The following ZNF804A variants were observed in gnomAD, a reference collection of about 807,000 sequenced individuals.
ZNF804A encodes the protein zinc finger protein 804A.
Under a neutral mutation model 16.5 loss-of-function variants are expected in ZNF804A, and 2 were observed. That is an observed-to-expected ratio of 0.12 (90% CI 0.05 to 0.38). ZNF804A has a LOEUF of 0.38. Among genes scored for constraint, ZNF804A ranks in the 10% least tolerant of loss-of-function variants. The pLI, the probability that ZNF804A is intolerant of heterozygous loss-of-function variation, is 0.99. For synonymous variants in ZNF804A, 534 were observed against 489.6 expected (o/e 1.09, Z -1.20); for missense variants, 1,473 against 1,390.7 (o/e 1.06, Z -0.94).
intron 1 of ZNF804A, among the ~76,000 whole-genome samples, chr2:184,817,511 C>A (rs1412589240): frequency 6.6e-6 from 1 of 151,934 alleles, no homozygotes; most frequent in Non-Finnish European, 1.5e-5. Flanking sequence ...TCCAAATGAC[C>A]ACAATACCTC....
Position 184,938,774 on chromosome 2 carries a change from G to A in ZNF804A, c.3378G>A (p.Gln1126=). ...AAAAGTFKVL[Q]PHQQFLSQIP... ...CTGCAGGAACCTTTAAAGTGCTTCA[G>A]CCACACCAACAGTTTCTTTCCCAAA... Residue 1126 remains glutamine, a synonymous_variant, in exon 4 of 4, where the codon CAG becomes CAA. Coordinates refer to ENST00000302277, the MANE Select transcript of ZNF804A (RefSeq NM_194250.2). The A allele has an allele frequency of 6.2e-7, 1 of 1,613,552 alleles. No individual in the cohort carries two copies. The highest frequency in any genetic ancestry group is 8.5e-7 in the Non-Finnish European group (1 of 1,179,818).
chr2:184,729,008 G>GAC (rs1693468028), intron 1 of ZNF804A, among the ~76,000 whole-genome samples: 2 of 151,878 alleles, frequency 1.3e-5, no homozygotes, highest in South Asian at 4.1e-4. Flanking sequence ...CAGAAGCAAA[G>GAC]ACTAGACTAG....
chr2:184,888,621 A>G (rs1279381221), intron 2 of ZNF804A, among the ~76,000 whole-genome samples: 1 of 152,176 alleles, frequency 6.6e-6, no homozygotes, highest in African/African-American at 2.4e-5. Flanking sequence ...AAACATCAGT[A>G]TGTCAGAATC....
At chr2:184,825,714 G>A (rs994312678) in intron 1 of ZNF804A, among the ~76,000 whole-genome samples, 5 of 151,964 alleles carry the variant, frequency 3.3e-5, no homozygotes, top group African/African-American at 1.2e-4. Flanking sequence ...TGTGGTATGG[G>A]ACAAAATGGA....
intron 2 of ZNF804A, among the ~76,000 whole-genome samples, chr2:184,907,775 A>G (rs1685299485): frequency 6.6e-6 from 1 of 152,156 alleles, no homozygotes; most frequent in African/African-American, 2.4e-5. Context: ...CAATAATAAT[A>G]GCAATAATTA....
At chr2:184,607,829 C>T (rs779479507) in intron 1 of ZNF804A, among the ~76,000 whole-genome samples, 1 of 151,856 alleles carries the variant, frequency 6.6e-6, no homozygotes, top group African/African-American at 2.4e-5. Flanking sequence ...ATGTCAATGT[C>T]CACCAGCCAG....
chr2:184,771,533 G>T (rs62176238), intron 1 of ZNF804A, among the ~76,000 whole-genome samples: 33 of 151,604 alleles, frequency 2.2e-4, no homozygotes, highest in Non-Finnish European at 4.3e-4. Context: ...GATCACTTGA[G>T]CCTAGGAGTT....
At chr2:184,817,576 A>G (rs1427412468) in intron 1 of ZNF804A, among the ~76,000 whole-genome samples, 1 of 152,092 alleles carries the variant, frequency 6.6e-6, no homozygotes, top group African/African-American at 2.4e-5. Context: ...TGACAGAAGG[A>G]GGCTTCAGAA....
chr2:184,737,942 G>A (rs938245492), intron 1 of ZNF804A, among the ~76,000 whole-genome samples: 1 of 151,996 alleles, frequency 6.6e-6, no homozygotes, highest in African/African-American at 2.4e-5. Context: ...TGACCAACAT[G>A]GAGAAACCCT....
At chr2:184,782,998 A>AT (rs925241453) in intron 1 of ZNF804A, among the ~76,000 whole-genome samples, 3 of 150,214 alleles carry the variant, frequency 2.0e-5, no homozygotes, top group Non-Finnish European at 4.4e-5. Flanking sequence ...ATTTATCTCT[A>AT]TTTTTTGTTC....
chr2:184,908,077 T>C (rs918006096), intron 2 of ZNF804A, among the ~76,000 whole-genome samples: 4 of 152,296 alleles, frequency 2.6e-5, no homozygotes, highest in Non-Finnish European at 5.9e-5. Flanking sequence ...GCTTCTGTAA[T>C]AATTCATTAC....
Position 184,937,457 on chromosome 2 carries a change from C to A in ZNF804A, c.2061C>A (p.Ile687=), listed in dbSNP as rs61739287. ...WNTEYNTYDT[I]SSKNHCKKNT... ...CTGAATACAACACTTATGATACTAT[C>A]AGTTCTAAAAACCACTGTAAAAAGA... is the stretch of plus-strand genomic sequence containing the variant. The change falls in exon 4 of 4, where the codon ATC becomes ATA. Residue 687 remains isoleucine, a synonymous_variant. Coordinates refer to ENST00000302277, the MANE Select transcript of ZNF804A (RefSeq NM_194250.2). 26,973 of 1,604,956 alleles carry A rather than the reference C, an allele frequency of 0.017. 286 individuals are homozygous for A. Among genetic ancestry groups the A allele is most frequent in the Non-Finnish European group, 0.02 (23,152 of 1,176,232 alleles).
At chr2:184,638,742 G>A (rs1691743228) in intron 1 of ZNF804A, among the ~76,000 whole-genome samples, 1 of 151,882 alleles carries the variant, frequency 6.6e-6, no homozygotes, top group Non-Finnish European at 1.5e-5. Context: ...TATTTTGTGA[G>A]AAAAAAGAAT....
At chr2:184,766,808 A>C (rs957469846) in intron 1 of ZNF804A, among the ~76,000 whole-genome samples, 4 of 152,128 alleles carry the variant, frequency 2.6e-5, no homozygotes, top group Non-Finnish European at 5.9e-5. Context: ...ATGTAGAAGC[A>C]GCCTGCCTTG....
intron 1 of ZNF804A, among the ~76,000 whole-genome samples, chr2:184,646,214 C>T (rs973956635): frequency 5.3e-5 from 8 of 152,182 alleles, no homozygotes; most frequent in African/African-American, 1.9e-4. Context: ...AGGGCTTCCA[C>T]AGCCAGAACT....
chr2:184,736,830 C>T (rs1379169721), intron 1 of ZNF804A, among the ~76,000 whole-genome samples: 1 of 148,622 alleles, frequency 6.7e-6, no homozygotes, highest in Non-Finnish European at 1.5e-5. Flanking sequence ...TTTCTCTTCC[C>T]TTCCAATATT....
intron 1 of ZNF804A, among the ~76,000 whole-genome samples, chr2:184,701,405 G>A (rs991214212): frequency 4.6e-5 from 7 of 151,890 alleles, no homozygotes; most frequent in Admixed American, 6.6e-5. Flanking sequence ...GTAATAAAAC[G>A]TTTCCAAAAT....
At chr2:184,671,601 C>T (rs1171788471) in intron 1 of ZNF804A, among the ~76,000 whole-genome samples, 3 of 152,154 alleles carry the variant, frequency 2.0e-5, no homozygotes, top group Non-Finnish European at 2.9e-5. Context: ...AGCCCTAGTG[C>T]TTTCTCAATA....
Position 184,763,630 on chromosome 2 carries a change from CTTTTTTTTTTTTTTT to C in ZNF804A, c.112-102721_112-102707del, listed in dbSNP as rs1188087789. 2.4e-4 allele frequency among the ~76,000 whole-genome samples: 5 copies of C among 21,272 alleles called. No individual in the cohort carries two copies. In the Admixed American group the frequency reaches 4.0e-3, roughly 17 times the overall value. 14.0% of individuals were successfully genotyped at this position (21,272 alleles called of 152,430 possible). Reference sequence around the variant, plus strand: ...TGCTTTACTTTTTTTCTTCAAAGTGCTTTTTTTTTTTTTTTTTTTTTTTTTTTTTTTTAGTGGAGT... The same window carrying C: ...TGCTTTACTTTTTTTCTTCAAAGTGCTTTTTTTTTTTTTTTTTAGTGGAGT... On this transcript the variant is annotated intron_variant, in intron 1 of 3. Coordinates refer to ENST00000302277, the MANE Select transcript of ZNF804A (RefSeq NM_194250.2).
Sources: gnomAD v4.1 joint callset for allele counts (sites outside exome capture counted in the v4.1 genomes callset) on GRCh38, gnomAD v4.1.1 for gene constraint, MANE v1.5 for transcripts, NCBI Gene and HGNC (gene_info 2026-07-23, HGNC 2026-07-21) for gene names.